The following PABPC1 variants were observed in gnomAD, a reference collection of about 807,000 sequenced individuals.
The protein encoded by PABPC1 is poly(A) binding protein cytoplasmic 1, also known as polyadenylate-binding protein 1.
A neutral mutation model predicts 74.0 loss-of-function variants in PABPC1; 4 were observed. The ratio of observed to expected loss-of-function variants is 0.05; its 90% CI spans 0.03 to 0.12. The LOEUF (loss-of-function observed/expected upper bound fraction) is 0.12. PABPC1 is among the 10% of genes least tolerant of loss of function. The pLI is 1.00. For missense variants in PABPC1, 271 were observed against 821.1 expected (o/e 0.33, Z 8.19); for synonymous variants, 227 against 264.1 (o/e 0.86, Z 1.36).
chr8:100,719,750 A>G (rs1810765767), intron 1 of PABPC1, among the ~76,000 whole-genome samples: 1 of 152,186 alleles, frequency 6.6e-6, no homozygotes, highest in African/African-American at 2.4e-5. Context: ...AAAGAGTAAC[A>G]CTTTCAAGTT....
rs1269324594 is a variant in PABPC1, at chr8:100,715,589, T to A, written c.516A>T (p.Arg172=). The A allele has an allele frequency of 2.5e-6, 4 of 1,609,428 alleles. No homozygotes were observed. The highest frequency in any genetic ancestry group is 3.3e-4 in the Middle Eastern group (2 of 6,042). Residue 172 remains arginine, a synonymous_variant, in exon 4 of 15, where the codon CGA becomes CGT. Coordinates refer to ENST00000318607, the MANE Select transcript of PABPC1 (RefSeq NM_002568.4). ...CTTCTCGTTCTTTACGAGACTTAAA[T>A]CGTCCAACAAATCTAATAAGATATA... The part of the protein sequence containing the change: ...LLNDRKVFVG[R]FKSRKEREAE...
rs746602647 is a variant in PABPC1, at chr8:100,709,634, A to G, written c.1070T>C (p.Ile357Thr). 6.2e-7 allele frequency: 1 copy of G among 1,614,182 alleles called. No individual in the cohort carries two copies. Residue 357 changes from isoleucine to threonine, a missense_variant, in exon 8 of 15, where the codon ATT becomes ACT. Ile to Thr is a moderately conservative substitution (Grantham distance 89). Around this residue, in one of 7 missense-constraint regions of PABPC1, gnomAD observed 7 missense variants for 71.8 expected, o/e 0.10. Transcript: ENST00000318607. ...TACATACAATGGCTTTGTGGCCACAATTCTACCGTTCATTTCTGTAACTGC... is the reference window on the plus strand; with the variant it reads ...TACATACAATGGCTTTGTGGCCACAGTTCTACCGTTCATTTCTGTAACTGC... The part of the protein sequence containing the change: ...TKAVTEMNGR[I>T]VATKPLYVAL...
intron 14 of PABPC1, among the ~76,000 whole-genome samples, chr8:100,703,773 GGCGC>G (rs1164064523): frequency 4.6e-5 from 7 of 152,096 alleles, no homozygotes; most frequent in Non-Finnish European, 7.4e-5. Context: ...AATCTGGCAG[GGCGC>G]AGTGGCTCAC....
chr8:100,719,623 A>G (rs912836218), intron 1 of PABPC1, among the ~76,000 whole-genome samples: 1 of 152,218 alleles, frequency 6.6e-6, no homozygotes, highest in South Asian at 2.1e-4. Context: ...GTACTGGTCT[A>G]CTGGTACAGA....
intron 9 of PABPC1, among the ~76,000 whole-genome samples, chr8:100,707,715 G>C (rs902297799): frequency 1.3e-5 from 2 of 152,234 alleles, no homozygotes; most frequent in African/African-American, 2.4e-5. Flanking sequence ...AAGCCTGACT[G>C]ATGTCAGGCC....
At chr8:100,704,520 AAAC>A (rs1293961266) in intron 13 of PABPC1, 130 bp from the exon 14 acceptor site, 1 of 784,542 alleles carries the variant, frequency 1.3e-6, no homozygotes, top group Non-Finnish European at 2.2e-6. Context: ...TTGTTACACT[AAAC>A]AACTATATCC....
Position 100,721,785 on chromosome 8 carries a change from G to T in PABPC1, c.-202C>A. The T allele has an allele frequency of 2.2e-6, 1 of 450,816 alleles. No homozygotes were observed. The highest frequency in any genetic ancestry group is 3.9e-6 in the Non-Finnish European group (1 of 258,262). The allele number at this position is 450,816 out of a possible 1,614,324, so 27.9% of individuals were successfully genotyped here. On this transcript the variant is annotated 5_prime_UTR_variant, in exon 1 of 15. Coordinates refer to ENST00000318607, the MANE Select transcript of PABPC1 (RefSeq NM_002568.4). The surrounding 1 kb of genome is among the most constrained non-coding windows in gnomAD (Gnocchi z 7.4). ...CCGCTGGCTGCCGGCTGCCGGCGGG[G>T]AGCGAGGGTGGCGGTGTCGGGTCCG...
At chr8:100,704,443 A>G in intron 13 of PABPC1, 53 bp from the exon 14 acceptor site, 1 of 1,412,644 alleles carries the variant, frequency 7.1e-7, no homozygotes, top group East Asian at 2.3e-5. Context: ...GGAAATAAAG[A>G]GTTTCATAAT....
Position 100,721,877 on chromosome 8 carries a change from T to G in PABPC1, c.-294A>C. The G allele has an allele frequency of 3.0e-6, 1 of 331,060 alleles. No homozygotes were observed. 20.5% of individuals were successfully genotyped at this position (331,060 alleles called of 1,614,324 possible). ...TGCTGCGGGGCCGCGGGCGGGCGGG[T>G]CGGTCTCGGCTGCTTCACCGGGTTA... On this transcript the variant is annotated 5_prime_UTR_variant, in exon 1 of 15. Coordinates refer to ENST00000318607, the MANE Select transcript of PABPC1 (RefSeq NM_002568.4). This position sits in a 1 kb window ranked among gnomAD's most constrained non-coding sequence, Gnocchi z 7.4.
intron 11 of PABPC1, among the ~76,000 whole-genome samples, chr8:100,706,232 G>C (rs75727360): frequency 6.6e-6 from 1 of 152,132 alleles, no homozygotes; most frequent in African/African-American, 2.4e-5. Context: ...TTCCAAAAGC[G>C]TAAGACATTT....
At chr8:100,705,500 C>G in intron 12 of PABPC1, 89 bp downstream of exon 12, 1 of 799,228 alleles carries the variant, frequency 1.3e-6, no homozygotes, top group South Asian at 1.4e-5. Context: ...ATTCCACTGC[C>G]CTAGCTGTCA....
chr8:100,708,734 G>A (rs1419147043), intron 9 of PABPC1, among the ~76,000 whole-genome samples: 3 of 152,070 alleles, frequency 2.0e-5, no homozygotes. Flanking sequence ...AAGTTAGCTG[G>A]GCGTGGTGGC....
chr8:100,714,059 T>A (rs980723253), intron 4 of PABPC1, among the ~76,000 whole-genome samples: 1 of 152,142 alleles, frequency 6.6e-6, no homozygotes, highest in Non-Finnish European at 1.5e-5. Context: ...CTCAGGCAAG[T>A]GGGGCAGAAA....
intron 7 of PABPC1, among the ~76,000 whole-genome samples, chr8:100,710,019 T>C (rs929578308): frequency 2.0e-5 from 3 of 152,226 alleles, no homozygotes; most frequent in African/African-American, 7.2e-5. Flanking sequence ...ATTTTCAATA[T>C]TGAAATTTAA....
chr8:100,720,417 T>G (rs1181828493), intron 1 of PABPC1, among the ~76,000 whole-genome samples: 6 of 152,218 alleles, frequency 3.9e-5, no homozygotes, highest in African/African-American at 1.4e-4. Context: ...ATGGGCCACT[T>G]TTAAAAATAA....
chr8:100,716,079 A>T (rs918399452), intron 3 of PABPC1, among the ~76,000 whole-genome samples: 1 of 152,116 alleles, frequency 6.6e-6, no homozygotes, highest in Non-Finnish European at 1.5e-5. Context: ...CTAAAACTTA[A>T]TTTTTTCTGA....
Position 100,706,957 on chromosome 8 carries a change from A to C in PABPC1, c.1377T>G (p.Pro459=). ...NMPGAIRPAA[P]RPPFSTMRPA... is the part of the protein sequence containing the mutation. The stretch of plus-strand genomic sequence containing the variant: ...GTCTCATAGTACTAAATGGTGGTCT[A>C]GGAGCAGCTGGGCGGATAGCACCGG... Residue 459 remains proline, a synonymous_variant, in exon 10 of 15, where the codon CCT becomes CCG. Coordinates refer to ENST00000318607, the MANE Select transcript of PABPC1 (RefSeq NM_002568.4). 6.2e-7 allele frequency: 1 copy of C among 1,614,210 alleles called. No individual in the cohort carries two copies. Among genetic ancestry groups the C allele is most frequent in the Admixed American group, 1.7e-5 (1 of 60,020 alleles).
In PABPC1 at chr8:100,721,629, A is replaced by T; in HGVS notation, c.-46T>A. On this transcript the variant is annotated 5_prime_UTR_variant, in exon 1 of 15. Coordinates refer to ENST00000318607, the MANE Select transcript of PABPC1 (RefSeq NM_002568.4). The surrounding 1 kb of genome is among the most constrained non-coding windows in gnomAD (Gnocchi z 7.4). Reference sequence around the variant, plus strand: ...GGCCACAGGCCGCGACCTTTCCGTGAGAGGAGGAGAGCGAGTGCCGGGGCT... The same window carrying T: ...GGCCACAGGCCGCGACCTTTCCGTGTGAGGAGGAGAGCGAGTGCCGGGGCT... 1 of 1,226,050 alleles carries T rather than the reference A, an allele frequency of 8.2e-7. No individual in the cohort carries two copies. Among genetic ancestry groups the T allele is most frequent in the Non-Finnish European group, 1.1e-6 (1 of 945,846 alleles). 75.9% of individuals were successfully genotyped at this position (1,226,050 alleles called of 1,614,324 possible).
Position 100,712,806 on chromosome 8 carries a change from A to AAAC in PABPC1, c.739-18_739-17insGTT. The AAAC allele has an allele frequency of 6.8e-7, 1 of 1,473,306 alleles. No individual in the cohort carries two copies. The highest frequency in any genetic ancestry group is 8.9e-7 in the Non-Finnish European group (1 of 1,122,878). 91.3% of individuals were successfully genotyped at this position (1,473,306 alleles called of 1,614,324 possible). On this transcript the variant is annotated splice_polypyrimidine_tract_variant and intron_variant, in intron 5 of 14. Coordinates refer to ENST00000318607, the MANE Select transcript of PABPC1 (RefSeq NM_002568.4). The stretch of plus-strand genomic sequence containing the variant: ...ATCCACAGCCTTCCCCCCAAAAAAA[A>AAAC]AGAAAAAAAAAAAATCACAAAACTT...
Sources: allele counts gnomAD v4.1 joint callset (sites outside exome capture counted in the v4.1 genomes callset), GRCh38; gene constraint gnomAD v4.1.1; regional missense constraint gnomAD v4.1.1; non-coding constraint Gnocchi (gnomAD v3.1); transcripts MANE v1.5; gene names NCBI Gene and HGNC (gene_info 2026-07-23, HGNC 2026-07-21).